HS3ST4: variants seen among roughly 807,000 people sequenced by gnomAD.
The protein encoded by HS3ST4 is heparan sulfate glucosamine 3-O-sulfotransferase 4.
A neutral mutation model predicts 29.2 loss-of-function variants in HS3ST4; 17 were observed. That is an observed-to-expected ratio of 0.58 (90% confidence interval 0.40 to 0.87). The LOEUF (loss-of-function observed/expected upper bound fraction) is 0.87. Among genes scored for constraint, HS3ST4 ranks in the 40% least tolerant of loss-of-function variants. The probability of loss-of-function intolerance (pLI) is 0.00; values close to 1 mark genes in which losing one functional copy is unlikely to be tolerated. For synonymous variants in HS3ST4, 314 were observed against 285.7 expected (o/e 1.10, Z -1.00); for missense variants, 627 against 634.5 (o/e 0.99, Z 0.13).
At chr16:25,960,282 G>A (rs1386283900) in intron 1 of HS3ST4, among the ~76,000 whole-genome samples, 1 of 152,194 alleles carries the variant, frequency 6.6e-6, no homozygotes. Flanking sequence ...TACCATGCTT[G>A]TACAGTCTGC....
At chr16:25,904,107 A>AATGGATGG (rs146106307) in intron 1 of HS3ST4, among the ~76,000 whole-genome samples, 44 of 142,596 alleles carry the variant, frequency 3.1e-4, no homozygotes, top group African/African-American at 1.1e-3. Context: ...TGAATGGATG[A>AATGGATGG]ATGGATGGAT....
intron 1 of HS3ST4, among the ~76,000 whole-genome samples, chr16:25,929,038 A>G (rs557409056): frequency 6.6e-6 from 1 of 152,246 alleles, no homozygotes; most frequent in African/African-American, 2.4e-5. Context: ...AAAACTAGAA[A>G]GGAGAAAGAT....
chr16:25,812,805 G>A (rs1043576698), intron 1 of HS3ST4, among the ~76,000 whole-genome samples: 4 of 151,862 alleles, frequency 2.6e-5, no homozygotes, highest in South Asian at 2.1e-4. Flanking sequence ...AGTCTCAAGC[G>A]ATCCCTCCAC....
chr16:25,718,393 C>G (rs1380417502), intron 1 of HS3ST4, among the ~76,000 whole-genome samples: 1 of 152,030 alleles, frequency 6.6e-6, no homozygotes, highest in Non-Finnish European at 1.5e-5. Flanking sequence ...CCTTTAGAGT[C>G]TTGGAGCAGC....
intron 1 of HS3ST4, among the ~76,000 whole-genome samples, chr16:25,933,574 CTAG>C (rs1968486601): frequency 6.6e-6 from 1 of 152,162 alleles, no homozygotes; most frequent in African/African-American, 2.4e-5. Context: ...TCCCCATTTA[CTAG>C]AAGGGCAAAT....
chr16:26,115,087 G>T (rs972277797), intron 1 of HS3ST4, among the ~76,000 whole-genome samples: 1 of 151,978 alleles, frequency 6.6e-6, no homozygotes, highest in Non-Finnish European at 1.5e-5. Flanking sequence ...AAGAAGTATC[G>T]TTGAGTAGAA....
At chr16:25,891,459 T>A (rs1596604646) in intron 1 of HS3ST4, among the ~76,000 whole-genome samples, 2 of 152,224 alleles carry the variant, frequency 1.3e-5, no homozygotes, top group East Asian at 3.9e-4. Context: ...GGAGAGATCT[T>A]TACTTACATG....
chr16:25,784,470 A>T (rs1222085477), intron 1 of HS3ST4, among the ~76,000 whole-genome samples: 1 of 152,238 alleles, frequency 6.6e-6, no homozygotes, highest in African/African-American at 2.4e-5. Flanking sequence ...GGAAATTAAA[A>T]GTTCCACTCC....
intron 1 of HS3ST4, among the ~76,000 whole-genome samples, chr16:25,802,179 CAG>C (rs1966945515): frequency 2.0e-5 from 3 of 151,972 alleles, no homozygotes; most frequent in Admixed American, 1.3e-4. Flanking sequence ...GAAAAACAAA[CAG>C]GGAAGGATGC....
chr16:26,136,616 G>A lies in HS3ST4; in HGVS notation c.*368G>A, dbSNP rs941760880. 8 of 232,692 alleles carry A rather than the reference G, an allele frequency of 3.4e-5. No individual in the cohort carries two copies. The highest frequency in any genetic ancestry group is 1.6e-4 in the Admixed American group (3 of 19,274). The allele number at this position is 232,692 out of a possible 1,614,324, so 14.4% of individuals were successfully genotyped here. On this transcript the variant is annotated 3_prime_UTR_variant, in exon 2 of 2. Coordinates refer to ENST00000331351, the MANE Select transcript of HS3ST4 (RefSeq NM_006040.3). Reference sequence around the variant, plus strand: ...GACAAAAAAGGTCTGCTTTATAGGGGTTCTCACTCTAGCTTGGGGAGCCAG... The same window carrying A: ...GACAAAAAAGGTCTGCTTTATAGGGATTCTCACTCTAGCTTGGGGAGCCAG...
rs148573075 is a variant in HS3ST4 at position 25,991,109 on chromosome 16, C to T, written c.735-144503C>T. On this transcript the variant is annotated intron_variant, in intron 1 of 1. Coordinates refer to ENST00000331351, the MANE Select transcript of HS3ST4 (RefSeq NM_006040.3). ...ATCATCAATAACATTGATACACCGGCCTCACCAGGACCTCAGCATGCTCTC... is the reference window on the plus strand; with the variant it reads ...ATCATCAATAACATTGATACACCGGTCTCACCAGGACCTCAGCATGCTCTC... Among the ~76,000 whole-genome samples, 370 of 149,088 alleles carry T rather than the reference C, an allele frequency of 2.5e-3. 3 individuals are homozygous for T. Among genetic ancestry groups the T allele is most frequent in the African/African-American group, 9.1e-3 (351 of 38,760 alleles).
intron 1 of HS3ST4, among the ~76,000 whole-genome samples, chr16:26,006,300 G>GA (rs11461863): frequency 0.68 from 46,652 of 68,664 alleles, 16,417 homozygotes; most frequent in Non-Finnish European, 0.7. Context: ...CTCTGTTTCA[G>GA]AAAAAAAAAA....
chr16:25,788,544 C>CTTTTTTTTTTTTTT, intron 1 of HS3ST4, among the ~76,000 whole-genome samples: 1 of 123,572 alleles, frequency 8.1e-6, no homozygotes, highest in African/African-American at 3.1e-5. Context: ...TTTCTTCTTT[C>CTTTTTTTTTTTTTT]TTTTTTTTTT....
chr16:26,130,588 C>T (rs1596692526), intron 1 of HS3ST4, among the ~76,000 whole-genome samples: 1 of 152,298 alleles, frequency 6.6e-6, no homozygotes, highest in East Asian at 1.9e-4. Flanking sequence ...CATATTATGA[C>T]ATTATTCTAA....
intron 1 of HS3ST4, among the ~76,000 whole-genome samples, chr16:25,966,286 G>A (rs1237339268): frequency 6.6e-6 from 1 of 152,128 alleles, no homozygotes; most frequent in Non-Finnish European, 1.5e-5. Context: ...TGCTATGTCT[G>A]CCTCTACTAG....
chr16:25,903,471 CAA>C (rs1185618822), intron 1 of HS3ST4, among the ~76,000 whole-genome samples: 2 of 151,512 alleles, frequency 1.3e-5, no homozygotes, highest in Non-Finnish European at 2.9e-5. Context: ...TTACCTATAA[CAA>C]TATGTATATT....
chr16:25,701,551 C>T (rs761563258), intron 1 of HS3ST4, among the ~76,000 whole-genome samples: 2 of 152,154 alleles, frequency 1.3e-5, no homozygotes, highest in Non-Finnish European at 1.5e-5. Context: ...GATCCATCCC[C>T]GGCCAGGCAT....
intron 1 of HS3ST4, among the ~76,000 whole-genome samples, chr16:25,909,574 G>A (rs2141677421): frequency 6.6e-6 from 1 of 151,452 alleles, no homozygotes; most frequent in East Asian, 2.0e-4. Flanking sequence ...ACAGTTGGGA[G>A]GAGCTAGGGA....
At chr16:26,079,547 A>G (rs1250124828) in intron 1 of HS3ST4, among the ~76,000 whole-genome samples, 1 of 152,232 alleles carries the variant, frequency 6.6e-6, no homozygotes, top group African/African-American at 2.4e-5. Context: ...TGCCATTTAA[A>G]CATCACAATC....
Sources: allele counts gnomAD v4.1 joint callset (sites outside exome capture counted in the v4.1 genomes callset), GRCh38; gene constraint gnomAD v4.1.1; transcripts MANE v1.5; gene names NCBI Gene and HGNC (gene_info 2026-07-23, HGNC 2026-07-21).